Variants in EFCAB8 observed in about 807,000 individuals in gnomAD.
EFCAB8 encodes EF-hand calcium binding domain 8.
EFCAB8 carries 100 observed loss-of-function variants against 116.3 expected under a neutral mutation model. The observed-to-expected ratio is 0.86, with a 90% CI of 0.73 to 1.02. The LOEUF is 1.02. Among genes scored for constraint, EFCAB8 ranks in the 50% least tolerant of loss-of-function variants. EFCAB8 has a pLI of 0.00. For synonymous variants in EFCAB8, 558 were observed against 567.9 expected (o/e 0.98, Z 0.25); for missense variants, 1,320 against 1,416.9 (o/e 0.93, Z 1.10).
chr20:32,899,539 T>C (rs1232050845), intron 11 of EFCAB8, among the ~76,000 whole-genome samples: 1 of 152,176 alleles, frequency 6.6e-6, no homozygotes, highest in African/African-American at 2.4e-5. Context: ...CGCCATTCCC[T>C]GACCCAGTTA....
chr20:32,882,301 C>T (rs1478065478), intron 5 of EFCAB8, among the ~76,000 whole-genome samples: 3 of 152,134 alleles, frequency 2.0e-5, no homozygotes, highest in Non-Finnish European at 4.4e-5. Flanking sequence ...AACAGAATAT[C>T]GTCCATTCAC....
chr20:32,873,637 C>T (rs1054441018), intron 3 of EFCAB8, among the ~76,000 whole-genome samples: 14 of 151,510 alleles, frequency 9.2e-5, no homozygotes, highest in African/African-American at 2.7e-4. Flanking sequence ...CTGGAGAGGG[C>T]GGATCACTTG....
Position 32,867,764 on chromosome 20 carries a change from G to A in EFCAB8, c.208+17G>A. 6.5e-7 allele frequency: 1 copy of A among 1,549,050 alleles called. No homozygotes were observed. Among genetic ancestry groups the A allele is most frequent in the East Asian group, 2.4e-5 (1 of 40,890 alleles). Reference sequence around the variant, plus strand: ...CGACTGGAGGTAAGGCCGCTCTGTAGGCTCGGTTTTTGTGTGAGTTCTGCA... The same window carrying A: ...CGACTGGAGGTAAGGCCGCTCTGTAAGCTCGGTTTTTGTGTGAGTTCTGCA... On this transcript the variant is annotated intron_variant, in intron 3 of 26. Coordinates refer to ENST00000400522, the MANE Select transcript of EFCAB8 (RefSeq NM_001143967.2).
intron 20 of EFCAB8, among the ~76,000 whole-genome samples, chr20:32,926,609 A>G (rs1427044825): frequency 2.0e-5 from 3 of 148,064 alleles, no homozygotes; most frequent in Non-Finnish European, 4.5e-5. Flanking sequence ...CGCTGCACCC[A>G]CTAACTCGTC....
In EFCAB8 at chr20:32,867,569, A is replaced by G; in HGVS notation, c.43-13A>G. 1 of 1,550,606 alleles carries G rather than the reference A, an allele frequency of 6.4e-7. No individual in the cohort carries two copies. The highest frequency in any genetic ancestry group is 8.7e-7 in the Non-Finnish European group (1 of 1,146,634). The stretch of plus-strand genomic sequence containing the variant: ...AAACGCTCAGTCCCTGGTTCTTGTT[A>G]TATTCGTTCCAGCTGTCCATCCCAC... On this transcript the variant is annotated splice_polypyrimidine_tract_variant and intron_variant, in intron 2 of 26. Transcript: ENST00000400522.
chr20:32,917,204 G>A (rs932250899), intron 17 of EFCAB8, 97 bp from the exon 18 acceptor site: 2 of 955,628 alleles, frequency 2.1e-6, no homozygotes, highest in South Asian at 1.6e-5. Context: ...CCTCCTCTGA[G>A]TCGGCTCCCA....
chr20:32,871,851 G>A (rs1443383882), intron 3 of EFCAB8, among the ~76,000 whole-genome samples: 1 of 152,120 alleles, frequency 6.6e-6, no homozygotes, highest in African/African-American at 2.4e-5. Flanking sequence ...CCAGATCTTT[G>A]AGGGAAGTCA....
chr20:32,899,946 G>A (rs540342118), intron 11 of EFCAB8, among the ~76,000 whole-genome samples: 4 of 152,184 alleles, frequency 2.6e-5, no homozygotes, highest in Non-Finnish European at 4.4e-5. Context: ...ATGTTCTCTC[G>A]CGGAGTCTTC....
Position 32,908,361 on chromosome 20 carries a change from C to CA in EFCAB8, c.1396dup (p.Ser466LysfsTer53). ...TTGCTCTGGGAAACTGCCCCATCAC[C>CA]AGTGCCTACTTCTTCGAGAAGGACA... On this transcript the variant is annotated frameshift_variant, in exon 14 of 27. Coordinates refer to ENST00000400522, the MANE Select transcript of EFCAB8 (RefSeq NM_001143967.2). LOFTEE classifies it high-confidence loss of function. 8.0e-7 allele frequency: 1 copy of CA among 1,249,998 alleles called. No homozygotes were observed. 77.4% of individuals were successfully genotyped at this position (1,249,998 alleles called of 1,614,324 possible). A position where few individuals can be genotyped will look rare whatever the true frequency, so the allele number is the denominator to read the frequency against.
intron 7 of EFCAB8, among the ~76,000 whole-genome samples, chr20:32,890,092 GC>G (rs1985840308): frequency 6.6e-6 from 1 of 151,782 alleles, no homozygotes; most frequent in Non-Finnish European, 1.5e-5. Context: ...TCTGCAGAAA[GC>G]CTTCACCCTA....
At chr20:32,882,074 T>A (rs1985367562) in intron 5 of EFCAB8, among the ~76,000 whole-genome samples, 1 of 152,108 alleles carries the variant, frequency 6.6e-6, no homozygotes, top group African/African-American at 2.4e-5. Flanking sequence ...GGCAGGCACC[T>A]GTAATCCCAG....
chr20:32,945,291 G>A (rs1000410512), intron 23 of EFCAB8, among the ~76,000 whole-genome samples: 2 of 152,040 alleles, frequency 1.3e-5, no homozygotes, highest in African/African-American at 4.8e-5. Flanking sequence ...GAGTAGCTGG[G>A]ACTACAGGTG....
intron 7 of EFCAB8, among the ~76,000 whole-genome samples, chr20:32,891,051 G>C (rs1046166402): frequency 2.0e-5 from 3 of 152,230 alleles, no homozygotes; most frequent in Non-Finnish European, 4.4e-5. Flanking sequence ...ACCCAGTGCT[G>C]TCCCAGGCTT....
intron 23 of EFCAB8, among the ~76,000 whole-genome samples, chr20:32,955,719 G>T (rs187098213): frequency 2.0e-5 from 3 of 152,208 alleles, no homozygotes; most frequent in Admixed American, 6.5e-5. Context: ...TCTGTTCCAC[G>T]TCCTGAGCGA....
At chr20:32,917,083 A>G (rs980077634) in intron 17 of EFCAB8, 9 of 555,834 alleles carry the variant, frequency 1.6e-5, no homozygotes, top group African/African-American at 1.5e-4. Flanking sequence ...CTGTAAGATT[A>G]GTTTATGTAA....
intron 1 of EFCAB8, among the ~76,000 whole-genome samples, chr20:32,863,061 C>T (rs374098246): frequency 2.0e-4 from 30 of 151,960 alleles, no homozygotes; most frequent in African/African-American, 6.3e-4. Flanking sequence ...CCTCTGCCTC[C>T]AGGACCCTTC....
intron 20 of EFCAB8, among the ~76,000 whole-genome samples, chr20:32,925,977 G>A (rs950449128): frequency 3.3e-5 from 5 of 152,232 alleles, no homozygotes; most frequent in African/African-American, 4.8e-5. Flanking sequence ...GCAGCCACAC[G>A]GCTCTGTCCT....
intron 19 of EFCAB8, 89 bp from the exon 20 acceptor site, chr20:32,919,989 G>A (rs916235866): frequency 3.8e-5 from 57 of 1,518,946 alleles, no homozygotes; most frequent in Admixed American, 2.4e-4. Context: ...TGGGAGTGCC[G>A]CTCTTTTATC....
intron 22 of EFCAB8, among the ~76,000 whole-genome samples, chr20:32,939,180 TTTC>T (rs1988284968): frequency 1.1e-5 from 1 of 94,236 alleles, no homozygotes; most frequent in Non-Finnish European, 2.2e-5. Flanking sequence ...TCTTTCTTTC[TTTC>T]TTTCTTTCTT....
Sources: allele counts gnomAD v4.1 joint callset (sites outside exome capture counted in the v4.1 genomes callset), GRCh38; gene constraint gnomAD v4.1.1; transcripts MANE v1.5; gene names NCBI Gene and HGNC (gene_info 2026-07-23, HGNC 2026-07-21).